Variants in PHACTR2 observed in about 807,000 individuals in gnomAD.
The protein encoded by PHACTR2 is chromosome 6 open reading frame 56.
A neutral mutation model predicts 76.0 loss-of-function variants in PHACTR2; 30 were observed. The ratio of observed to expected loss-of-function variants is 0.39; its 90% CI spans 0.30 to 0.54. PHACTR2 has a LOEUF of 0.54. Ranked by LOEUF, PHACTR2 falls within the 20% of genes least tolerant of loss-of-function variation. The pLI, the probability that PHACTR2 is intolerant of heterozygous loss-of-function variation, is 0.61. For synonymous variants in PHACTR2, 292 were observed against 292.5 expected (o/e 1.00, Z 0.02); for missense variants, 696 against 781.1 (o/e 0.89, Z 1.30).
In PHACTR2 at chr6:143,800,185, A is replaced by G. The variant is rs1480262042; in HGVS notation, c.1846-6872A>G. 1.3e-5 allele frequency among the ~76,000 whole-genome samples: 2 copies of G among 152,164 alleles called. No homozygotes were observed. Among genetic ancestry groups the G allele is most frequent in the Admixed American group, 6.5e-5 (1 of 15,268 alleles). On this transcript the variant is annotated intron_variant, in intron 11 of 12. Coordinates refer to ENST00000440869, the MANE Select transcript of PHACTR2 (RefSeq NM_001100164.2). The surrounding 1 kb of genome is among the most constrained non-coding windows in gnomAD (Gnocchi z 4.8). ...TTGTTGGTTTAAAGTCTGTTTTATC[A>G]GAGACCAGGATTGCAACCTGTGCTA...
rs568034371 is a variant in PHACTR2, at chr6:143,609,954, G to C, written c.13+1632G>C. On this transcript the variant is annotated intron_variant, in intron 1 of 11. Coordinates refer to the PHACTR2 transcript ENST00000305766. ...TTAATAAAATACCTCTGCTCTTGAT[G>C]AGTTTAAGATTATTTAAACACTGTG... 7.2e-5 allele frequency among the ~76,000 whole-genome samples: 11 copies of C among 152,284 alleles called. No homozygotes were observed. In the South Asian group the frequency reaches 2.3e-3, roughly 32 times the overall value.
At chr6:143,661,392 A>C (rs1397583104) in intron 1 of PHACTR2, among the ~76,000 whole-genome samples, 1 of 152,182 alleles carries the variant, frequency 6.6e-6, no homozygotes, top group Non-Finnish European at 1.5e-5. Context: ...CTGGGGCTTC[A>C]TGTGGGTTTT....
rs981680539 is a variant in PHACTR2 at position 143,617,737 on chromosome 6, G to A, written c.13+9415G>A. Among the ~76,000 whole-genome samples the A allele has an allele frequency of 6.6e-6, 1 of 152,150 alleles. No individual in the cohort carries two copies. On this transcript the variant is annotated intron_variant, in intron 1 of 11. Coordinates refer to the PHACTR2 transcript ENST00000305766. This position sits in a 1 kb window ranked among gnomAD's most constrained non-coding sequence, Gnocchi z 4.8. Reference sequence around the variant, plus strand: ...CTGTGAGATTAATGAGACCTCCAAGGAAATGGCTGAAAGAAAAGAGCAGAG... The same window carrying A: ...CTGTGAGATTAATGAGACCTCCAAGAAAATGGCTGAAAGAAAAGAGCAGAG...
At chr6:143,573,859 G>T (rs1013679833) in intron 1 of PHACTR2, among the ~76,000 whole-genome samples, 2 of 152,166 alleles carry the variant, frequency 1.3e-5, no homozygotes, top group Non-Finnish European at 2.9e-5. Flanking sequence ...ACTGGGTCTG[G>T]TTCTCCATAA....
intron 4 of PHACTR2, among the ~76,000 whole-genome samples, chr6:143,758,903 A>T (rs986849811): frequency 3.3e-5 from 5 of 152,226 alleles, no homozygotes; most frequent in Non-Finnish European, 5.9e-5. Flanking sequence ...ACTCATTAGG[A>T]TAAGAAACAA....
rs1327862992 is a variant in PHACTR2 at position 143,662,333 on chromosome 6, T to C, written c.14-49683T>C. On this transcript the variant is annotated intron_variant, in intron 1 of 11. Transcript: ENST00000305766. The surrounding 1 kb of genome is among the most constrained non-coding windows in gnomAD (Gnocchi z 4.7). The stretch of plus-strand genomic sequence containing the variant: ...TAGCTTTTTTTCCCCTATTTTAAAA[T>C]ACAAGGAACATAAAAGTAAAGAAGA... Among the ~76,000 whole-genome samples the C allele has an allele frequency of 6.6e-6, 1 of 152,148 alleles. No individual in the cohort carries two copies. The highest frequency in any genetic ancestry group is 1.5e-5 in the Non-Finnish European group (1 of 68,020).
chr6:143,540,918 T>C (rs1781166481), intron 1 of PHACTR2, among the ~76,000 whole-genome samples: 1 of 152,248 alleles, frequency 6.6e-6, no homozygotes, highest in Admixed American at 6.5e-5. Flanking sequence ...GTTCTGAATT[T>C]ATTTTTCTTT....
rs1240494420 is a variant in PHACTR2 at position 143,827,558 on chromosome 6, A to G, written c.*3869A>G. On this transcript the variant is annotated 3_prime_UTR_variant, in exon 13 of 13. Coordinates refer to ENST00000440869, the MANE Select transcript of PHACTR2 (RefSeq NM_001100164.2). ...AGTACAATATATATGAATTCATGTCATTTACCCCTGAGTATGGTAGAATTG... is the reference window on the plus strand; with the variant it reads ...AGTACAATATATATGAATTCATGTCGTTTACCCCTGAGTATGGTAGAATTG... 1.3e-5 allele frequency: 2 copies of G among 152,138 alleles called. No homozygotes were observed. The highest frequency in any genetic ancestry group is 4.8e-5 in the African/African-American group (2 of 41,438). The allele number at this position is 152,138 out of a possible 1,614,324, so 9.4% of individuals were successfully genotyped here.
Position 143,822,331 on chromosome 6 carries a change from AT to A in PHACTR2, c.1923-1339del, listed in dbSNP as rs1216942529. On this transcript the variant is annotated intron_variant, in intron 12 of 12. Transcript: ENST00000440869. This position sits in a 1 kb window ranked among gnomAD's most constrained non-coding sequence, Gnocchi z 5.5. Reference sequence around the variant, plus strand: ...GTGTATGCTACCATGCCCAGCTTAAATTTTATTTTGTAGGTAATGGGGAACA... The same window carrying A: ...GTGTATGCTACCATGCCCAGCTTAAATTTATTTTGTAGGTAATGGGGAACA... Among the ~76,000 whole-genome samples the A allele has an allele frequency of 6.6e-6, 1 of 152,030 alleles. No individual in the cohort carries two copies. The highest frequency in any genetic ancestry group is 1.5e-5 in the Non-Finnish European group (1 of 68,014).
Position 143,549,685 on chromosome 6 carries a change from T to G in PHACTR2, c.217+12478T>G, listed in dbSNP as rs565541811. Among the ~76,000 whole-genome samples the G allele has an allele frequency of 2.6e-5, 4 of 152,170 alleles. No homozygotes were observed. Among genetic ancestry groups the G allele is most frequent in the African/African-American group, 9.6e-5 (4 of 41,554 alleles). On this transcript the variant is annotated intron_variant, in intron 1 of 11. Transcript: ENST00000367584. The surrounding 1 kb of genome is among the most constrained non-coding windows in gnomAD (Gnocchi z 4.2). Reference sequence around the variant, plus strand: ...ATGTCCCTGTTCCACCTCCCCTTCCTGAGCTGCCTGGCTGCCACTCCTCCC... The same window carrying G: ...ATGTCCCTGTTCCACCTCCCCTTCCGGAGCTGCCTGGCTGCCACTCCTCCC...
chr6:143,784,295 T>C lies in PHACTR2; in HGVS notation c.1707+1015T>C, dbSNP rs547603506. ...CCAAACTCAGACAATTGTTGCCACT[T>C]ATTTATGAATATATAAATCTGATGT... On this transcript the variant is annotated intron_variant, in intron 10 of 12. Transcript: ENST00000440869. This position sits in a 1 kb window ranked among gnomAD's most constrained non-coding sequence, Gnocchi z 4.5. Among the ~76,000 whole-genome samples, 2 of 152,348 alleles carry C rather than the reference T, an allele frequency of 1.3e-5. No individual in the cohort carries two copies. The highest frequency in any genetic ancestry group is 2.1e-4 in the South Asian group (1 of 4,830).
intron 12 of PHACTR2, among the ~76,000 whole-genome samples, chr6:143,812,765 G>A (rs1776205911): frequency 6.6e-6 from 1 of 152,152 alleles, no homozygotes; most frequent in Non-Finnish European, 1.5e-5. Context: ...TCAGCCCACT[G>A]TTCAAAACCA....
chr6:143,564,330 T>A lies in PHACTR2; in HGVS notation c.217+27123T>A, dbSNP rs372363885. Among the ~76,000 whole-genome samples the A allele has an allele frequency of 2.1e-4, 31 of 149,156 alleles. No individual in the cohort carries two copies. In the East Asian group the frequency reaches 6.0e-3, roughly 29 times the overall value. On this transcript the variant is annotated intron_variant, in intron 1 of 11. Transcript: ENST00000367584. ...TTAATAATAAAATAAGTTGGCCAGG[T>A]GCAGTGGCTCATGCCTGTAATCACA...
chr6:143,771,162 ATATATATATATGTATATATATATATATG>A (rs1775104389), intron 6 of PHACTR2, among the ~76,000 whole-genome samples: 1 of 34,660 alleles, frequency 2.9e-5, no homozygotes, highest in African/African-American at 1.7e-4. Context: ...ATATATGTAT[ATATATATATATGTATATATATATATATG>A]TGTGTATATA....
rs1457066776 is a variant in PHACTR2, at chr6:143,710,090, T to C, written c.47-1926T>C. ...GCAGTTATTGTCTAAAAGTTTCTTA[T>C]GTTGCTACTCTGCCCCTTTCCTGGT... On this transcript the variant is annotated intron_variant, in intron 1 of 12. Transcript: ENST00000440869. This position sits in a 1 kb window ranked among gnomAD's most constrained non-coding sequence, Gnocchi z 4.9. 2.6e-5 allele frequency among the ~76,000 whole-genome samples: 4 copies of C among 152,194 alleles called. No individual in the cohort carries two copies. The South Asian group carries it at 6.2e-4, about 24-fold the overall frequency.
chr6:143,582,313 C>T (rs535792417), intron 1 of PHACTR2, among the ~76,000 whole-genome samples: 3 of 152,150 alleles, frequency 2.0e-5, no homozygotes, highest in East Asian at 3.9e-4. Flanking sequence ...CTAGGAAACA[C>T]GCCACTAGGA....
At chr6:143,649,541 T>C (rs544984264) in intron 1 of PHACTR2, among the ~76,000 whole-genome samples, 3 of 152,226 alleles carry the variant, frequency 2.0e-5, no homozygotes, top group South Asian at 4.1e-4. Flanking sequence ...GTTCAACATA[T>C]ACAAATCAAT....
chr6:143,726,692 G>A (rs1179735006), intron 2 of PHACTR2, among the ~76,000 whole-genome samples: 2 of 152,162 alleles, frequency 1.3e-5, no homozygotes, highest in Non-Finnish European at 2.9e-5. Flanking sequence ...GGCTATTGTG[G>A]ATACTGCTGC....
Position 143,772,396 on chromosome 6 carries a change from C to T in PHACTR2, c.1371C>T (p.Asp457=), listed in dbSNP as rs1775177133. 5.6e-6 allele frequency: 9 copies of T among 1,614,072 alleles called. No homozygotes were observed. The highest frequency in any genetic ancestry group is 2.2e-5 in the East Asian group (1 of 44,886). The change falls in exon 7 of 13, where the codon GAC becomes GAT. Residue 457 remains aspartate, a synonymous_variant. Transcript: ENST00000440869. This position sits in a 1 kb window ranked among gnomAD's most constrained non-coding sequence, Gnocchi z 5.4. ...REYQANDSDS[D]GPILYTDDED... is the part of the protein sequence containing the mutation. ...ACCAAGCCAATGACTCTGACTCGGACGGGCCTATCTTGTACACCGATGATG... is the reference window on the plus strand; with the variant it reads ...ACCAAGCCAATGACTCTGACTCGGATGGGCCTATCTTGTACACCGATGATG...
Sources: gnomAD v4.1 joint callset for allele counts (sites outside exome capture counted in the v4.1 genomes callset) on GRCh38, gnomAD v4.1.1 for gene constraint, Gnocchi (gnomAD v3.1) non-coding constraint, MANE v1.5 for transcripts, NCBI Gene and HGNC (gene_info 2026-07-23, HGNC 2026-07-21) for gene names.